SPATC1: variants seen among roughly 807,000 people sequenced by gnomAD.
SPATC1 encodes spermatogenesis and centriole associated 1, also known as speriolin.
SPATC1 carries 35 observed loss-of-function variants against 36.5 expected under a neutral mutation model. The observed-to-expected ratio is 0.96, with a 90% confidence interval of 0.73 to 1.27. SPATC1 has a LOEUF of 1.27. Among genes scored for constraint, SPATC1 ranks in the 50% most tolerant of loss-of-function variants. The pLI is 0.00. For missense variants in SPATC1, 779 were observed against 796.0 expected, an observed-to-expected ratio of 0.98 and a Z score of 0.26; for synonymous variants, 361 against 353.6, an observed-to-expected ratio of 1.02 and a Z score of -0.24.
At chr8:144,033,101 G>T (rs2133129459) in intron 1 of SPATC1, among the ~76,000 whole-genome samples, 1 of 150,758 alleles carries the variant, frequency 6.6e-6, no homozygotes, top group East Asian at 2.0e-4. Flanking sequence ...TACATGGCAT[G>T]AAACAAAAGT....
chr8:144,021,293 C>T (rs1463598729), intron 1 of SPATC1, among the ~76,000 whole-genome samples: 120 of 66,340 alleles, frequency 1.8e-3, no homozygotes, highest in Admixed American at 2.8e-3. Flanking sequence ...TCCCTCTCCC[C>T]TCAGGACCCT....
chr8:144,020,947 C>T (rs1834511803), intron 1 of SPATC1, among the ~76,000 whole-genome samples: 1 of 136,762 alleles, frequency 7.3e-6, no homozygotes, highest in African/African-American at 2.8e-5. Context: ...ACCTTAAGTA[C>T]CTCTACCCTC....
chr8:144,040,535 C>CT (rs782497142), intron 2 of SPATC1, 33 bp from the exon 3 acceptor site: 7 of 1,562,986 alleles, frequency 4.5e-6, no homozygotes, highest in South Asian at 3.6e-5. Flanking sequence ...TCTAATCCCC[C>CT]TTTTTTTATT....
intron 1 of SPATC1, among the ~76,000 whole-genome samples, chr8:144,030,676 A>G (rs2133125484): frequency 6.6e-6 from 1 of 152,066 alleles, no homozygotes; most frequent in East Asian, 1.9e-4. Flanking sequence ...TATTTTCTGC[A>G]TGTCTTATGT....
chr8:144,019,716 C>G (rs1002757908), intron 1 of SPATC1, among the ~76,000 whole-genome samples: 9 of 152,008 alleles, frequency 5.9e-5, no homozygotes, highest in African/African-American at 2.2e-4. Flanking sequence ...AGACCTGGCT[C>G]CTCCACACAG....
At chr8:144,039,822 C>T in intron 1 of SPATC1, 87 bp from the exon 2 acceptor site, 1 of 1,401,444 alleles carries the variant, frequency 7.1e-7, no homozygotes, top group Non-Finnish European at 9.9e-7. Flanking sequence ...ATGGCCAGGC[C>T]CTACCACAGT....
At chr8:144,022,903 C>G (rs1834569179) in intron 1 of SPATC1, among the ~76,000 whole-genome samples, 1 of 147,068 alleles carries the variant, frequency 6.8e-6, no homozygotes, top group African/African-American at 2.5e-5. Context: ...TGTGACCATC[C>G]CCCGCCATGG....
chr8:144,014,760 G>A (rs1587483843), intron 1 of SPATC1, among the ~76,000 whole-genome samples: 1 of 152,332 alleles, frequency 6.6e-6, no homozygotes, highest in East Asian at 1.9e-4. Flanking sequence ...GGGATTGCTG[G>A]AATGAGAAAC....
chr8:144,037,099 G>C (rs1587515337), intron 1 of SPATC1, among the ~76,000 whole-genome samples: 1 of 137,288 alleles, frequency 7.3e-6, no homozygotes, highest in African/African-American at 2.6e-5. Context: ...CGGCTGGGCG[G>C]GGGGCTGACC....
chr8:144,016,474 T>C lies in SPATC1; in HGVS notation c.211+3748T>C, dbSNP rs370723289. ...GAGTGTATATGGTGTGTGTGTGGTG[T>C]GTTCATGTGTGACAGGGGCCAGGGA... On this transcript the variant is annotated intron_variant, in intron 1 of 4. Transcript: ENST00000377470. This position sits in a 1 kb window ranked among gnomAD's most constrained non-coding sequence, Gnocchi z 4.5. 3.8e-4 allele frequency among the ~76,000 whole-genome samples: 58 copies of C among 152,166 alleles called. 1 individual carries two copies. The highest frequency in any genetic ancestry group is 1.3e-3 in the African/African-American group (56 of 41,510).
chr8:144,044,366 A>T (rs1331771916), intron 4 of SPATC1, among the ~76,000 whole-genome samples: 1 of 149,130 alleles, frequency 6.7e-6, no homozygotes, highest in Non-Finnish European at 1.5e-5. Context: ...CATTGGCGCG[A>T]TCTTGGCTCA....
intron 1 of SPATC1, among the ~76,000 whole-genome samples, chr8:144,017,266 C>T (rs1554753364): frequency 6.6e-6 from 1 of 152,232 alleles, no homozygotes; most frequent in African/African-American, 2.4e-5. Flanking sequence ...CTTCCTCAAC[C>T]TGCCTGTTCT....
rs1199255905 is a variant in SPATC1 at position 144,030,347 on chromosome 8, G to GTGTATGTATGTA, written c.212-9544_212-9533dup. 8.0e-3 allele frequency among the ~76,000 whole-genome samples: 1,214 copies of GTGTATGTATGTA among 151,846 alleles called. 17 individuals are homozygous for GTGTATGTATGTA. Among genetic ancestry groups the GTGTATGTATGTA allele is most frequent in the African/African-American group, 0.028 (1,153 of 41,370 alleles). On this transcript the variant is annotated intron_variant, in intron 1 of 4. Transcript: ENST00000377470. ...AAAGCACTATTTCTGCCACATTGCT[G>GTGTATGTATGTA]TGTATGTATGTATGTATGTATGTAT...
At chr8:144,044,341 G>C (rs185742952) in intron 4 of SPATC1, among the ~76,000 whole-genome samples, 1 of 149,014 alleles carries the variant, frequency 6.7e-6, no homozygotes, top group Non-Finnish European at 1.5e-5. Context: ...TCGCTCTGTC[G>C]CCCGGGCTGG....
In SPATC1 at chr8:144,040,883, C is replaced by G; in HGVS notation, c.1082C>G (p.Ala361Gly). The change falls in exon 3 of 5, where the codon GCC (alanine) becomes GGC (glycine). Residue 361 changes from alanine (A) to glycine (G), a missense_variant. Physicochemically the swap from Ala to Gly is moderately conservative, Grantham distance 60. Transcript: ENST00000377470. ...PSSTTHIAQG[A>G]PHPPSRMHNS... The stretch of plus-strand genomic sequence containing the variant: ...AGCACCACCCACATCGCCCAGGGTG[C>G]CCCCCATCCCCCTTCCCGAATGCAT... 6.3e-7 allele frequency: 1 copy of G among 1,579,260 alleles called. No individual in the cohort carries two copies. Among genetic ancestry groups the G allele is most frequent in the African/African-American group, 1.4e-5 (1 of 73,488 alleles).
Position 144,034,724 on chromosome 8 carries a change from C to A in SPATC1, c.212-5185C>A, listed in dbSNP as rs1394478851. ...GCAACCTCCGAGTCCAGGGTTCAAGCGATTCTCCTGCCCCAGGTTCCCGAG... is the reference window on the plus strand; with the variant it reads ...GCAACCTCCGAGTCCAGGGTTCAAGAGATTCTCCTGCCCCAGGTTCCCGAG... On this transcript the variant is annotated intron_variant, in intron 1 of 4. Transcript: ENST00000377470. Among the ~76,000 whole-genome samples, 3 of 152,124 alleles carry A rather than the reference C, an allele frequency of 2.0e-5. No individual in the cohort carries two copies. The South Asian group carries it at 6.3e-4, about 32-fold the overall frequency.
chr8:144,013,957 A>G (rs1834330115), intron 1 of SPATC1, among the ~76,000 whole-genome samples: 1 of 152,116 alleles, frequency 6.6e-6, no homozygotes, highest in Non-Finnish European at 1.5e-5. Context: ...CTCCATCTCA[A>G]AAACTAATAA....
chr8:144,023,101 C>CCA (rs1834579102), intron 1 of SPATC1, among the ~76,000 whole-genome samples: 2 of 115,520 alleles, frequency 1.7e-5, no homozygotes, highest in African/African-American at 6.7e-5. Context: ...GGACCCTCTT[C>CCA]TCTCAGGACT....
intron 1 of SPATC1, among the ~76,000 whole-genome samples, chr8:144,036,400 C>G: frequency 6.6e-6 from 1 of 152,194 alleles, no homozygotes; most frequent in Admixed American, 6.5e-5. Context: ...TCACGGCTCA[C>G]CACAGCCCCA....
Sources: gnomAD v4.1 joint callset for allele counts (sites outside exome capture counted in the v4.1 genomes callset) on GRCh38, gnomAD v4.1.1 for gene constraint, Gnocchi (gnomAD v3.1) non-coding constraint, MANE v1.5 for transcripts, NCBI Gene and HGNC (gene_info 2026-07-23, HGNC 2026-07-21) for gene names.